Variants in TCERG1L observed in about 807,000 individuals in gnomAD.
The protein encoded by TCERG1L is transcription elongation regulator 1 like.
Under a neutral mutation model 56.3 loss-of-function variants are expected in TCERG1L, and 37 were observed. The observed-to-expected ratio is 0.66, with a 90% CI of 0.51 to 0.87. The LOEUF (loss-of-function observed/expected upper bound fraction) is 0.87, where lower values mean the gene tolerates loss of function less well. TCERG1L is among the 40% of genes least tolerant of loss of function. The pLI is 0.00. For synonymous variants in TCERG1L, 324 were observed against 326.3 expected, an observed-to-expected ratio of 0.99 and a Z score of 0.08; for missense variants, 799 against 774.2, an observed-to-expected ratio of 1.03 and a Z score of -0.38.
intron 6 of TCERG1L, among the ~76,000 whole-genome samples, chr10:131,154,390 G>T (rs1320245386): frequency 1.3e-5 from 2 of 152,088 alleles, no homozygotes; most frequent in Non-Finnish European, 2.9e-5. Flanking sequence ...CTACACAAAG[G>T]CTCTCCCTGG....
At position 131,092,921 on chromosome 10, in the gene TCERG1L, T is replaced by G. The variant is rs1845194641; in HGVS notation, c.*241A>C. 3 of 422,724 alleles carry G rather than the reference T, an allele frequency of 7.1e-6. No individual in the cohort carries two copies. The highest frequency in any genetic ancestry group is 8.2e-5 in the Admixed American group (2 of 24,370). The allele number at this position is 422,724 out of a possible 1,614,324, so 26.2% of individuals were successfully genotyped here. On this transcript the variant is annotated 3_prime_UTR_variant, in exon 12 of 12. Transcript: ENST00000368642. The stretch of plus-strand genomic sequence containing the variant: ...TGTATATTACAAGTAATTTGCATAA[T>G]TAAAACAATTAAGGGATCGACGTAT...
intron 4 of TCERG1L, among the ~76,000 whole-genome samples, chr10:131,212,950 C>T (rs1845632952): frequency 6.6e-6 from 1 of 152,244 alleles, no homozygotes; most frequent in Admixed American, 6.5e-5. Flanking sequence ...AAGTGCTCCT[C>T]CCACAGCTGC....
chr10:131,094,459 G>A (rs547013495), intron 11 of TCERG1L, among the ~76,000 whole-genome samples: 15 of 152,278 alleles, frequency 9.9e-5, no homozygotes, highest in African/African-American at 1.2e-4. Flanking sequence ...AGATTATGCC[G>A]ACATGGCTGT....
In TCERG1L at chr10:131,267,291, C is replaced by T. The variant is rs577336409; in HGVS notation, c.671-6847G>A. The stretch of plus-strand genomic sequence containing the variant: ...CACACACCTGGCTGGACTGCAACAG[C>T]ACCCAGGCTTGGCCCCAACCCTACT... On this transcript the variant is annotated intron_variant, in intron 3 of 11. Coordinates refer to ENST00000368642, the MANE Select transcript of TCERG1L (RefSeq NM_174937.4). The surrounding 1 kb of genome is among the most constrained non-coding windows in gnomAD (Gnocchi z 4.9). 2.9e-4 allele frequency among the ~76,000 whole-genome samples: 44 copies of T among 152,322 alleles called. No individual in the cohort carries two copies. The highest frequency in any genetic ancestry group is 1.1e-3 in the African/African-American group (44 of 41,580).
chr10:131,307,730 C>G (rs572366389), intron 3 of TCERG1L, among the ~76,000 whole-genome samples: 1 of 152,226 alleles, frequency 6.6e-6, no homozygotes, highest in African/African-American at 2.4e-5. Flanking sequence ...AGAACAAAAT[C>G]CATCTTTCAA....
chr10:131,224,332 C>T (rs896990403), intron 4 of TCERG1L, among the ~76,000 whole-genome samples: 3 of 152,160 alleles, frequency 2.0e-5, no homozygotes, highest in Non-Finnish European at 4.4e-5. Flanking sequence ...GCCAGCCTGG[C>T]CCCACTGTCC....
At chr10:131,136,482 C>T (rs1564798986) in intron 7 of TCERG1L, among the ~76,000 whole-genome samples, 2 of 152,006 alleles carry the variant, frequency 1.3e-5, no homozygotes, top group South Asian at 2.1e-4. Flanking sequence ...GGGTGGCCCC[C>T]AGCAGTGCCT....
At chr10:131,215,636 C>T (rs1333160602) in intron 4 of TCERG1L, among the ~76,000 whole-genome samples, 2 of 152,094 alleles carry the variant, frequency 1.3e-5, no homozygotes, top group Admixed American at 6.6e-5. Context: ...TGGTCCAGCC[C>T]ATGGGAGGGT....
chr10:131,270,808 C>T (rs1272653143), intron 3 of TCERG1L, among the ~76,000 whole-genome samples: 4 of 152,176 alleles, frequency 2.6e-5, no homozygotes, highest in Non-Finnish European at 4.4e-5. Flanking sequence ...CGAGGTTTGT[C>T]GAACCTGCAC....
At chr10:131,121,936 C>G (rs1031509230) in intron 8 of TCERG1L, among the ~76,000 whole-genome samples, 3 of 152,368 alleles carry the variant, frequency 2.0e-5, no homozygotes, top group Middle Eastern at 3.4e-3. Flanking sequence ...GGGGTCCCCG[C>G]TGACAGACAG....
intron 4 of TCERG1L, among the ~76,000 whole-genome samples, chr10:131,216,805 G>C (rs1232716631): frequency 2.0e-5 from 3 of 152,210 alleles, no homozygotes; most frequent in Non-Finnish European, 4.4e-5. Context: ...GTGCACACAG[G>C]CATCGGAGCC....
rs114024587 is a variant in TCERG1L, at chr10:131,135,913, C to T, written c.1190-1465G>A. Reference sequence around the variant, plus strand: ...CCGGAAGGGCGGAGGAGCCACAGCCCGGGCGGAGCTTCCTGGCTTTTCAGC... The same window carrying T: ...CCGGAAGGGCGGAGGAGCCACAGCCTGGGCGGAGCTTCCTGGCTTTTCAGC... On this transcript the variant is annotated intron_variant, in intron 7 of 11. Transcript: ENST00000368642. Among the ~76,000 whole-genome samples the T allele has an allele frequency of 5.3e-3, 808 of 152,338 alleles. 8 individuals carry two copies. Among genetic ancestry groups the T allele is most frequent in the African/African-American group, 0.018 (756 of 41,582 alleles).
intron 8 of TCERG1L, among the ~76,000 whole-genome samples, chr10:131,133,202 C>T (rs1418465476): frequency 6.6e-6 from 1 of 152,164 alleles, no homozygotes; most frequent in Non-Finnish European, 1.5e-5. Flanking sequence ...CTCCCTCTTC[C>T]CCTCTCTTCC....
At chr10:131,134,509 A>C in intron 7 of TCERG1L, 61 bp from the exon 8 acceptor site, 1 of 1,272,142 alleles carries the variant, frequency 7.9e-7, no homozygotes, top group Non-Finnish European at 1.1e-6. Flanking sequence ...TGGCAAAACC[A>C]CCAGGTGACA....
At chr10:131,182,937 C>T (rs1202272472) in intron 4 of TCERG1L, among the ~76,000 whole-genome samples, 2 of 152,160 alleles carry the variant, frequency 1.3e-5, no homozygotes, top group African/African-American at 4.8e-5. Flanking sequence ...TAACCTTTAA[C>T]AAATCCAGGC....
intron 1 of TCERG1L, among the ~76,000 whole-genome samples, chr10:131,310,532 G>A (rs1846875876): frequency 6.6e-6 from 1 of 152,348 alleles, no homozygotes; most frequent in South Asian, 2.1e-4. Context: ...GCTATTCCCT[G>A]ATTTAAATGC....
intron 4 of TCERG1L, among the ~76,000 whole-genome samples, chr10:131,184,799 G>A (rs757723004): frequency 2.0e-5 from 3 of 152,194 alleles, no homozygotes; most frequent in Non-Finnish European, 4.4e-5. Flanking sequence ...GAGGCTGTGG[G>A]CCCTCTTAGC....
chr10:131,199,637 C>A (rs187337078), intron 4 of TCERG1L, among the ~76,000 whole-genome samples: 67 of 152,340 alleles, frequency 4.4e-4, no homozygotes, highest in African/African-American at 1.4e-3. Context: ...ACAGCAGTCA[C>A]GTCACACCCC....
Position 131,132,155 on chromosome 10 carries a change from C to T in TCERG1L, c.1259+2224G>A, listed in dbSNP as rs1422781784. ...CAAACAGAGGGCATGGCTTTGTAAA[C>T]CGGCTCATGAATGAATGCGCAGGAC... On this transcript the variant is annotated intron_variant, in intron 8 of 11. Transcript: ENST00000368642. 2.6e-5 allele frequency among the ~76,000 whole-genome samples: 4 copies of T among 152,290 alleles called. No homozygotes were observed. In the East Asian group the frequency reaches 7.7e-4, roughly 29 times the overall value.
Sources: allele counts gnomAD v4.1 joint callset (sites outside exome capture counted in the v4.1 genomes callset), GRCh38; gene constraint gnomAD v4.1.1; non-coding constraint Gnocchi (gnomAD v3.1); transcripts MANE v1.5; gene names NCBI Gene and HGNC (gene_info 2026-07-23, HGNC 2026-07-21).